Variants in MAGI2 observed in about 807,000 individuals in gnomAD.
MAGI2 encodes the protein membrane associated guanylate kinase, WW and PDZ domain containing 2.
A neutral mutation model predicts 133.3 loss-of-function variants in MAGI2; 35 were observed. That is an observed-to-expected ratio of 0.26 (90% CI 0.20 to 0.35). The LOEUF (loss-of-function observed/expected upper bound fraction) is 0.35, where lower values mean the gene tolerates loss of function less well. Among genes scored for constraint, MAGI2 ranks in the 10% least tolerant of loss-of-function variants. The probability of loss-of-function intolerance (pLI) is 1.00; values close to 1 mark genes in which losing one functional copy is unlikely to be tolerated. For missense variants in MAGI2, 1,636 were observed against 1,863.4 expected, an observed-to-expected ratio of 0.88 and a Z score of 2.25; for synonymous variants, 729 against 710.6, an observed-to-expected ratio of 1.03 and a Z score of -0.41.
At chr7:78,139,151 T>G (rs1455479812) in intron 16 of MAGI2, among the ~76,000 whole-genome samples, 5 of 152,366 alleles carry the variant, frequency 3.3e-5, no homozygotes, top group African/African-American at 1.2e-4. Context: ...ATAAAATGAC[T>G]GAGTGACTTG....
chr7:78,112,731 G>T (rs911704094), intron 20 of MAGI2, among the ~76,000 whole-genome samples: 1 of 152,208 alleles, frequency 6.6e-6, no homozygotes, highest in Non-Finnish European at 1.5e-5. Context: ...ACAGCCCTGG[G>T]CCCTGGGGTA....
chr7:79,038,604 T>C (rs1274122668), intron 1 of MAGI2, among the ~76,000 whole-genome samples: 4 of 152,208 alleles, frequency 2.6e-5, no homozygotes, highest in African/African-American at 9.6e-5. Flanking sequence ...ATGCACCATT[T>C]TCTCTACCTT....
chr7:78,893,923 C>T (rs1796988175), intron 2 of MAGI2, among the ~76,000 whole-genome samples: 1 of 152,118 alleles, frequency 6.6e-6, no homozygotes, highest in East Asian at 1.9e-4. Flanking sequence ...AGGTAATAGT[C>T]TCTGATTTTT....
intron 3 of MAGI2, among the ~76,000 whole-genome samples, chr7:78,557,644 A>T (rs1226612236): frequency 2.0e-5 from 3 of 152,218 alleles, no homozygotes; most frequent in African/African-American, 4.8e-5. Context: ...CGAAAACTAG[A>T]GGAATGTCAC....
chr7:79,028,396 C>T (rs1352000218), intron 1 of MAGI2, among the ~76,000 whole-genome samples: 1 of 149,224 alleles, frequency 6.7e-6, no homozygotes, highest in East Asian at 2.0e-4. Context: ...CACAGATACA[C>T]ATATGATGCA....
At chr7:78,476,419 G>A (rs1000218331) in intron 6 of MAGI2, among the ~76,000 whole-genome samples, 3 of 151,866 alleles carry the variant, frequency 2.0e-5, no homozygotes, top group Non-Finnish European at 4.4e-5. Context: ...CAAATACTGG[G>A]AAATCAGTAA....
intron 10 of MAGI2, among the ~76,000 whole-genome samples, chr7:78,230,252 T>A (rs1789828755): frequency 1.3e-5 from 2 of 152,244 alleles, no homozygotes; most frequent in Admixed American, 1.3e-4. Flanking sequence ...AAGAGTATAA[T>A]GCTACTTTTA....
chr7:78,810,704 A>T (rs929995313), intron 2 of MAGI2, among the ~76,000 whole-genome samples: 1 of 152,210 alleles, frequency 6.6e-6, no homozygotes, highest in South Asian at 2.1e-4. Context: ...TCCCAATACA[A>T]TTTTAGTCCT....
chr7:79,326,221 C>A (rs1420877722), intron 1 of MAGI2, among the ~76,000 whole-genome samples: 1 of 151,776 alleles, frequency 6.6e-6, no homozygotes, highest in East Asian at 1.9e-4. Flanking sequence ...AACTATGGAT[C>A]TTAATTATTA....
intron 3 of MAGI2, among the ~76,000 whole-genome samples, chr7:78,559,136 C>CAAAAAAAAAAAAAAAAAAAAAAAA (rs71085541): frequency 7.3e-5 from 4 of 54,726 alleles, no homozygotes; most frequent in Non-Finnish European, 1.2e-4. Context: ...TCTGAATTTC[C>CAAAAAAAAAAAAAAAAAAAAAAAA]AAAAAAAAAA....
chr7:78,464,668 A>ATAAAG (rs1166329832), intron 6 of MAGI2, among the ~76,000 whole-genome samples: 2 of 152,118 alleles, frequency 1.3e-5, no homozygotes, highest in Non-Finnish European at 2.9e-5. Context: ...AATGACCCAC[A>ATAAAG]TAAAGTACAT....
chr7:79,250,446 T>A (rs1324734506), intron 1 of MAGI2, among the ~76,000 whole-genome samples: 1 of 151,156 alleles, frequency 6.6e-6, no homozygotes, highest in Non-Finnish European at 1.5e-5. Flanking sequence ...CATTTGTATA[T>A]AACAAAAGCG....
chr7:78,450,106 A>G (rs555748884), intron 6 of MAGI2, among the ~76,000 whole-genome samples: 2 of 152,120 alleles, frequency 1.3e-5, no homozygotes, highest in South Asian at 2.1e-4. Context: ...TAACATTCCC[A>G]TGACTTTCTT....
intron 9 of MAGI2, among the ~76,000 whole-genome samples, chr7:78,336,276 G>A (rs529410217): frequency 3.3e-5 from 5 of 152,260 alleles, no homozygotes; most frequent in Admixed American, 6.5e-5. Flanking sequence ...AGGTCTGGGG[G>A]CACAGGAAAC....
chr7:78,629,098 G>A (rs1003621397), intron 2 of MAGI2, among the ~76,000 whole-genome samples: 3 of 152,100 alleles, frequency 2.0e-5, no homozygotes, highest in Non-Finnish European at 4.4e-5. Flanking sequence ...CTTGTTTGGA[G>A]TAACATGGCT....
chr7:78,821,570 GACA>G (rs966407184), intron 2 of MAGI2, among the ~76,000 whole-genome samples: 1 of 151,918 alleles, frequency 6.6e-6, no homozygotes, highest in Admixed American at 6.5e-5. Flanking sequence ...TGAAATACCT[GACA>G]ACTTTTAATA....
intron 2 of MAGI2, among the ~76,000 whole-genome samples, chr7:78,928,251 C>A (rs1799860622): frequency 6.6e-6 from 1 of 151,826 alleles, no homozygotes; most frequent in South Asian, 2.1e-4. Flanking sequence ...CTTAAGTGTA[C>A]TTATCAAAGG....
intron 2 of MAGI2, among the ~76,000 whole-genome samples, chr7:78,642,861 A>G (rs535976720): frequency 9.7e-4 from 148 of 152,324 alleles, no homozygotes; most frequent in Non-Finnish European, 1.3e-3. Context: ...AGTACAGGCC[A>G]GGCTTCTAAG....
At position 78,516,031 on chromosome 7, in the gene MAGI2, T is replaced by C. The variant is rs574596578; in HGVS notation, c.754+5399A>G. ...AACACATGAAAAGTGCAAATTGTAT[T>C]ACTGTCATTCAGAGATGATCAGTTT... On this transcript the variant is annotated intron_variant, in intron 4 of 21. Transcript: ENST00000354212. 9.3e-4 allele frequency among the ~76,000 whole-genome samples: 141 copies of C among 152,332 alleles called. 2 individuals are homozygous for C. The highest frequency in any genetic ancestry group is 2.7e-3 in the African/African-American group (114 of 41,572).
Sources: allele counts gnomAD v4.1 joint callset (sites outside exome capture counted in the v4.1 genomes callset), GRCh38; gene constraint gnomAD v4.1.1; transcripts MANE v1.5; gene names NCBI Gene and HGNC (gene_info 2026-07-23, HGNC 2026-07-21).